Variants in KNTC1 observed in about 807,000 individuals in gnomAD.
KNTC1 encodes kinetochore associated 1.
In KNTC1, 253 loss-of-function variants were observed where a neutral mutation model predicts 314.4. The ratio of observed to expected loss-of-function variants is 0.80; its 90% CI spans 0.73 to 0.89. The LOEUF (loss-of-function observed/expected upper bound fraction) is 0.89. KNTC1 is among the 40% of genes least tolerant of loss of function. KNTC1 has a pLI of 0.00. For missense variants in KNTC1, 2,475 were observed against 2,572.9 expected (o/e 0.96, Z 0.82); for synonymous variants, 901 against 901.4 (o/e 1.00, Z 0.01).
intron 39 of KNTC1, 21 bp downstream of exon 39, chr12:122,587,895 A>G: frequency 6.2e-7 from 1 of 1,602,600 alleles, no homozygotes; most frequent in Non-Finnish European, 8.5e-7. Context: ...AAGAACAAAT[A>G]CTTTGACTTG....
intron 2 of KNTC1, among the ~76,000 whole-genome samples, chr12:122,533,851 C>T (rs562931500): frequency 2.3e-4 from 35 of 151,546 alleles, no homozygotes; most frequent in African/African-American, 7.8e-4. Flanking sequence ...ATTTATTGAG[C>T]ATATACTATG....
chr12:122,601,645 GA>G lies in KNTC1; in HGVS notation c.4653+21del. 1 of 1,458,832 alleles carries G rather than the reference GA, an allele frequency of 6.9e-7. No individual in the cohort carries two copies. Among genetic ancestry groups the G allele is most frequent in the Non-Finnish European group, 9.0e-7 (1 of 1,105,568 alleles). The allele number at this position is 1,458,832 out of a possible 1,614,324, so 90.4% of individuals were successfully genotyped here. On this transcript the variant is annotated intron_variant, in intron 45 of 63. Transcript: ENST00000333479. Reference sequence around the variant, plus strand: ...AATCAGGTATAACAAATATATCAAAGATGTAAAAATCATCTTTCTGCTTTTA... The same window carrying G: ...AATCAGGTATAACAAATATATCAAAGTGTAAAAATCATCTTTCTGCTTTTA...
intron 42 of KNTC1, 178 bp from the exon 43 acceptor site, chr12:122,594,098 T>C (rs1870698641): frequency 6.9e-6 from 4 of 581,956 alleles, no homozygotes; most frequent in Admixed American, 3.1e-5. Flanking sequence ...TTCGGACCCA[T>C]GTACACCTCA....
intron 19 of KNTC1, 76 bp from the exon 20 acceptor site, chr12:122,562,562 T>C (rs986159029): frequency 4.3e-6 from 4 of 920,942 alleles, no homozygotes; most frequent in African/African-American, 1.7e-5. Context: ...ATGTGAAATG[T>C]AATGATTCAT....
chr12:122,588,878 T>C (rs2138030684), intron 40 of KNTC1, 62 bp downstream of exon 40: 2 of 997,062 alleles, frequency 2.0e-6, no homozygotes, highest in Non-Finnish European at 2.9e-6. Flanking sequence ...CCTCAGTTAA[T>C]TGCATATGAC....
At chr12:122,556,170 C>T (rs1226200783) in intron 16 of KNTC1, among the ~76,000 whole-genome samples, 1 of 151,842 alleles carries the variant, frequency 6.6e-6, no homozygotes, top group Non-Finnish European at 1.5e-5. Context: ...ACGCGCACCA[C>T]CACGCCTGGC....
At chr12:122,537,283 G>C (rs1285835961) in intron 3 of KNTC1, among the ~76,000 whole-genome samples, 1 of 152,100 alleles carries the variant, frequency 6.6e-6, no homozygotes, top group Non-Finnish European at 1.5e-5. Context: ...CATGTCTCCT[G>C]TGAGCTTTCT....
Position 122,618,506 on chromosome 12 carries a change from A to G in KNTC1, c.6110A>G (p.Gln2037Arg), listed in dbSNP as rs1874033224. ...LSASCPLSPD[Q>R]LSDCSESLIA... ...GCCTCTTGTCCTTTAAGTCCTGATC[A>G]GCTGTCAGATTGTTCTGAGAGTCTC... Residue 2037 changes from glutamine to arginine, a missense_variant, in exon 59 of 64, where the codon CAG (glutamine) becomes CGG (arginine). Coordinates refer to ENST00000333479, the MANE Select transcript of KNTC1 (RefSeq NM_014708.6). The G allele has an allele frequency of 1.9e-6, 3 of 1,611,288 alleles. No homozygotes were observed. Among genetic ancestry groups the G allele is most frequent in the Non-Finnish European group, 2.5e-6 (3 of 1,179,584 alleles).
At chr12:122,554,076 A>AAT (rs60404988) in intron 16 of KNTC1, among the ~76,000 whole-genome samples, 7,194 of 108,902 alleles carry the variant, frequency 0.066, 299 homozygotes, top group East Asian at 0.1. Flanking sequence ...AAAAAAAAAA[A>AAT]ATATATATAT....
rs1240200860 is a variant in KNTC1 at position 122,624,579 on chromosome 12, T to C, written c.6516-19T>C. On this transcript the variant is annotated intron_variant, in intron 62 of 63. Transcript: ENST00000333479. The stretch of plus-strand genomic sequence containing the variant: ...CACTGTGCTTGGCCTAACACTTCTT[T>C]TTCTTTTTGATTTTGTAGTTTAGAT... The C allele has an allele frequency of 2.5e-6, 4 of 1,595,936 alleles. No individual in the cohort carries two copies. Among genetic ancestry groups the C allele is most frequent in the Non-Finnish European group, 3.4e-6 (4 of 1,164,940 alleles).
chr12:122,580,782 A>AC, intron 33 of KNTC1, 112 bp downstream of exon 33: 1 of 589,596 alleles, frequency 1.7e-6, no homozygotes, highest in Non-Finnish European at 2.9e-6. Context: ...TAATCCCAGC[A>AC]CTTTGGGAGG....
At chr12:122,614,269 C>G (rs1206211619) in intron 55 of KNTC1, among the ~76,000 whole-genome samples, 1 of 152,178 alleles carries the variant, frequency 6.6e-6, no homozygotes, top group Admixed American at 6.5e-5. Context: ...AAAGTCATCC[C>G]TGCCAACCAG....
intron 43 of KNTC1, among the ~76,000 whole-genome samples, chr12:122,596,509 C>G (rs1871074893): frequency 6.6e-6 from 1 of 151,454 alleles, no homozygotes; most frequent in South Asian, 2.1e-4. Flanking sequence ...GAATCACGTG[C>G]CCAGCCTGAT....
Position 122,571,105 on chromosome 12 carries a change from T to A in KNTC1, c.1998T>A (p.Ser666=), listed in dbSNP as rs748546269. The change falls in exon 24 of 64, where the codon TCT becomes TCA. Residue 666 remains serine, a synonymous_variant. Transcript: ENST00000333479. ...AEKTDELGLA[S]SWHWISLKDY... is the part of the protein sequence containing the mutation. ...AAACAGACGAGTTGGGATTGGCATC[T>A]TCCTGGCATTGGATTTCCTTGGTAT... 11 of 1,613,068 alleles carry A rather than the reference T, an allele frequency of 6.8e-6. No individual in the cohort carries two copies. Among genetic ancestry groups the A allele is most frequent in the Non-Finnish European group, 6.8e-6 (8 of 1,179,208 alleles).
chr12:122,539,836 C>T, intron 5 of KNTC1, 82 bp downstream of exon 5: 21 of 875,858 alleles, frequency 2.4e-5, no homozygotes, highest in Non-Finnish European at 3.6e-5. Flanking sequence ...GGCTGGAGTG[C>T]AGTGGCGCAA....
intron 53 of KNTC1, among the ~76,000 whole-genome samples, chr12:122,611,988 G>C (rs987848963): frequency 1.3e-5 from 2 of 151,852 alleles, no homozygotes; most frequent in South Asian, 4.2e-4. Context: ...CATGGAAATG[G>C]GGGCTGACTG....
chr12:122,540,575 C>A (rs886609627), intron 5 of KNTC1, among the ~76,000 whole-genome samples: 1 of 151,876 alleles, frequency 6.6e-6, no homozygotes, highest in Non-Finnish European at 1.5e-5. Context: ...ATATACTTTT[C>A]CTAAATATAA....
At chr12:122,587,965 T>C (rs990874476) in intron 39 of KNTC1, 91 bp downstream of exon 39, 5 of 1,073,724 alleles carry the variant, frequency 4.7e-6, no homozygotes, top group Non-Finnish European at 6.5e-6. Flanking sequence ...TTTCCTATTG[T>C]CTTTGTAGCA....
rs767321792 is a variant in KNTC1 at position 122,568,243 on chromosome 12, C to T, written c.1605-18C>T. On this transcript the variant is annotated intron_variant, in intron 20 of 63. Coordinates refer to ENST00000333479, the MANE Select transcript of KNTC1 (RefSeq NM_014708.6). Reference sequence around the variant, plus strand: ...ATTTTTTTTAAAACTGACTTTTTTCCCTTCTTTGTCTATTCAGTGGCAGTT... The same window carrying T: ...ATTTTTTTTAAAACTGACTTTTTTCTCTTCTTTGTCTATTCAGTGGCAGTT... The T allele has an allele frequency of 5.8e-6, 7 of 1,215,020 alleles. No individual in the cohort carries two copies. In the Admixed American group the frequency reaches 1.5e-4, roughly 25 times the overall value. The allele number at this position is 1,215,020 out of a possible 1,614,324, so 75.3% of individuals were successfully genotyped here.
Sources: gnomAD v4.1 joint callset for allele counts (sites outside exome capture counted in the v4.1 genomes callset) on GRCh38, gnomAD v4.1.1 for gene constraint, MANE v1.5 for transcripts, NCBI Gene and HGNC (gene_info 2026-07-23, HGNC 2026-07-21) for gene names.